The following STPG2 variants were observed in gnomAD, a reference collection of about 807,000 sequenced individuals.
The protein encoded by STPG2 is sperm tail PG-rich repeat containing 2, also known as sperm-tail PG-rich repeat-containing protein 2.
Under a neutral mutation model 54.2 loss-of-function variants are expected in STPG2, and 56 were observed. That is an observed-to-expected ratio of 1.03 (90% CI 0.83 to 1.29). STPG2 has a LOEUF of 1.29. STPG2 is among the 50% of genes most tolerant of loss of function. The pLI, the probability that STPG2 is intolerant of heterozygous loss-of-function variation, is 0.00. For missense variants in STPG2, 596 were observed against 544.9 expected, an observed-to-expected ratio of 1.09 and a Z score of -0.93; for synonymous variants, 200 against 181.8, an observed-to-expected ratio of 1.10 and a Z score of -0.81.
intron 10 of STPG2, among the ~76,000 whole-genome samples, chr4:97,569,863 G>A (rs1560666186): frequency 1.3e-5 from 2 of 151,922 alleles, no homozygotes; most frequent in Non-Finnish European, 2.9e-5. Flanking sequence ...CTATACAGTG[G>A]AGAAAATGAG....
chr4:97,641,771 A>C (rs1721773423), intron 10 of STPG2, among the ~76,000 whole-genome samples: 1 of 151,474 alleles, frequency 6.6e-6, no homozygotes, highest in Non-Finnish European at 1.5e-5. Context: ...TTTAAACAAT[A>C]TTTTATATTG....
At chr4:97,452,026 A>G (rs1729382957) in intron 4 of STPG2, among the ~76,000 whole-genome samples, 1 of 146,778 alleles carries the variant, frequency 6.8e-6, no homozygotes, top group Non-Finnish European at 1.5e-5. Context: ...TGCTAAGTTG[A>G]GGCAGGAGCT....
intron 9 of STPG2, among the ~76,000 whole-genome samples, chr4:97,778,173 G>C (rs1262337536): frequency 1.3e-5 from 2 of 152,154 alleles, no homozygotes; most frequent in African/African-American, 4.8e-5. Context: ...GCCAAAGGAA[G>C]GGGTGACAGA....
intron 9 of STPG2, among the ~76,000 whole-genome samples, chr4:97,831,083 C>A (rs914196348): frequency 1.3e-5 from 2 of 152,124 alleles, no homozygotes; most frequent in Non-Finnish European, 2.9e-5. Flanking sequence ...CTTCTCAGCA[C>A]CTCATCTGAC....
At chr4:97,568,938 T>A (rs961098552) in intron 10 of STPG2, among the ~76,000 whole-genome samples, 1 of 151,896 alleles carries the variant, frequency 6.6e-6, no homozygotes, top group African/African-American at 2.4e-5. Flanking sequence ...TTGCAGTTGT[T>A]ACTGGAAAGG....
chr4:97,441,610 A>G (rs929100203), intron 4 of STPG2: 5 of 152,012 alleles, frequency 3.3e-5, no homozygotes, highest in Non-Finnish European at 5.9e-5. Context: ...ATATTCTTTC[A>G]GATGGCTTCT....
intron 9 of STPG2, among the ~76,000 whole-genome samples, chr4:97,763,300 C>T (rs974261207): frequency 2.2e-4 from 34 of 152,226 alleles, no homozygotes; most frequent in African/African-American, 7.7e-4. Context: ...TCAATTTAAG[C>T]ATGCTGCCCT....
chr4:97,614,450 T>C (rs979781244), intron 10 of STPG2, among the ~76,000 whole-genome samples: 1 of 152,046 alleles, frequency 6.6e-6, no homozygotes, highest in Non-Finnish European at 1.5e-5. Context: ...TGGTGAAGCT[T>C]TCCCAGTAAT....
At chr4:98,125,859 T>A (rs561083435) in intron 3 of STPG2, among the ~76,000 whole-genome samples, 1 of 152,306 alleles carries the variant, frequency 6.6e-6, no homozygotes, top group South Asian at 2.1e-4. Flanking sequence ...CATAAACCCC[T>A]GGCTGGAGTT....
intron 5 of STPG2, among the ~76,000 whole-genome samples, chr4:98,056,231 T>C (rs554114754): frequency 4.5e-4 from 68 of 152,104 alleles, no homozygotes; most frequent in African/African-American, 1.6e-3. Context: ...ACACCTTGAG[T>C]GATCACTCCT....
chr4:98,074,647 T>C (rs1242295730), intron 5 of STPG2, among the ~76,000 whole-genome samples: 3 of 152,202 alleles, frequency 2.0e-5, no homozygotes, highest in Non-Finnish European at 4.4e-5. Context: ...ACTGAACTTG[T>C]CTCCAAGCTT....
At chr4:97,607,594 G>A (rs1261191935) in intron 10 of STPG2, among the ~76,000 whole-genome samples, 1 of 152,032 alleles carries the variant, frequency 6.6e-6, no homozygotes, top group Non-Finnish European at 1.5e-5. Flanking sequence ...TGACTTACAG[G>A]TTTTGGAAAT....
intron 5 of STPG2, among the ~76,000 whole-genome samples, chr4:97,999,621 C>T (rs917562783): frequency 6.6e-6 from 1 of 151,944 alleles, no homozygotes; most frequent in Admixed American, 6.6e-5. Context: ...ATCGCTTGAA[C>T]CCAGGAGGCA....
chr4:97,893,211 T>G (rs1730836008), intron 8 of STPG2: 1 of 152,038 alleles, frequency 6.6e-6, no homozygotes, highest in South Asian at 2.1e-4. Flanking sequence ...GAGAGAATTC[T>G]TCTGGGAGTA....
intron 5 of STPG2, among the ~76,000 whole-genome samples, chr4:97,995,514 A>G (rs765596028): frequency 4.6e-5 from 7 of 151,948 alleles, no homozygotes; most frequent in Non-Finnish European, 7.4e-5. Flanking sequence ...CATTTTAAAA[A>G]GATAAATTGA....
intron 10 of STPG2, among the ~76,000 whole-genome samples, chr4:97,709,955 T>C (rs1267650884): frequency 2.0e-5 from 3 of 151,938 alleles, no homozygotes; most frequent in African/African-American, 7.2e-5. Flanking sequence ...CAATAAACAT[T>C]TATTAATATA....
chr4:97,909,717 T>C (rs1446754631), intron 8 of STPG2, among the ~76,000 whole-genome samples: 1 of 152,152 alleles, frequency 6.6e-6, no homozygotes, highest in African/African-American at 2.4e-5. Context: ...CCAATAGATT[T>C]GAAAAAATGC....
chr4:97,911,582 C>T (rs1333741373), intron 8 of STPG2, among the ~76,000 whole-genome samples: 1 of 152,208 alleles, frequency 6.6e-6, no homozygotes, highest in Non-Finnish European at 1.5e-5. Context: ...CGTGGCCAGA[C>T]TGCTTTTTTA....
intron 10 of STPG2, among the ~76,000 whole-genome samples, chr4:97,681,857 C>T (rs1464718200): frequency 6.6e-6 from 1 of 151,756 alleles, no homozygotes; most frequent in African/African-American, 2.4e-5. Flanking sequence ...ACATAATGAT[C>T]TGCACACAGC....
Sources: gnomAD v4.1 joint callset for allele counts (sites outside exome capture counted in the v4.1 genomes callset) on GRCh38, gnomAD v4.1.1 for gene constraint, MANE v1.5 for transcripts, NCBI Gene and HGNC (gene_info 2026-07-23, HGNC 2026-07-21) for gene names.